The following PSIP1 variants were observed in gnomAD, a reference collection of about 807,000 sequenced individuals.
PSIP1 encodes PC4 and SRSF1 interacting protein 1.
PSIP1 carries 19 observed loss-of-function variants against 74.7 expected under a neutral mutation model. The ratio of observed to expected loss-of-function variants is 0.25; its 90% CI spans 0.18 to 0.37. The LOEUF is 0.37. Ranked by LOEUF, PSIP1 falls within the 10% of genes least tolerant of loss-of-function variation. The pLI, the probability that PSIP1 is intolerant of heterozygous loss-of-function variation, is 1.00. For missense variants in PSIP1, 601 were observed against 614.3 expected (o/e 0.98, Z 0.23); for synonymous variants, 222 against 195.3 (o/e 1.14, Z -1.14).
chr9:15,509,956 G>T lies in PSIP1; in HGVS notation c.72+161C>A, dbSNP rs533913452. ...AACGTCTGGATTTTCATAATTACAC[G>T]GGAGATTATTGGGCAAAAAACTAAA... is the stretch of plus-strand genomic sequence containing the variant. On this transcript the variant is annotated intron_variant, in intron 2 of 15. Coordinates refer to ENST00000380733, the MANE Select transcript of PSIP1 (RefSeq NM_033222.5). Among the ~76,000 whole-genome samples, 29 of 152,244 alleles carry T rather than the reference G, an allele frequency of 1.9e-4. No individual in the cohort carries two copies. In the South Asian group the frequency reaches 5.8e-3, roughly 30 times the overall value.
At chr9:15,481,250 C>T (rs757120215) in intron 6 of PSIP1, among the ~76,000 whole-genome samples, 6 of 152,192 alleles carry the variant, frequency 3.9e-5, no homozygotes, top group Non-Finnish European at 7.3e-5. Context: ...AGCTTAAGAA[C>T]TCAAGACTGA....
At position 15,478,559 on chromosome 9, in the gene PSIP1, T is replaced by C. The variant is rs1320345539; in HGVS notation, c.554-7A>G. On this transcript the variant is annotated splice_region_variant and splice_polypyrimidine_tract_variant and intron_variant, in intron 7 of 15. Coordinates refer to ENST00000380733, the MANE Select transcript of PSIP1 (RefSeq NM_033222.5). ...GGAATCTTGACTTCTGTAGCTAATA[T>C]ACACATGGAAAAAAAATCAGTAACT... The C allele has an allele frequency of 6.3e-7, 1 of 1,576,604 alleles. No individual in the cohort carries two copies. The highest frequency in any genetic ancestry group is 2.2e-5 in the East Asian group (1 of 44,516).
intron 3 of PSIP1, among the ~76,000 whole-genome samples, chr9:15,500,321 T>C (rs190450884): frequency 0.01 from 1,534 of 152,028 alleles, 20 homozygotes; most frequent in African/African-American, 0.035. Flanking sequence ...AAAAATCAGC[T>C]GGGTGTGGTG....
rs530107099 is a variant in PSIP1 at position 15,501,219 on chromosome 9, C to G, written c.149+5342G>C. Reference sequence around the variant, plus strand: ...TCTAGTTGCTCTACATAAACGTTGGCTAATGGACAGCAAATGCATAATCAA... The same window carrying G: ...TCTAGTTGCTCTACATAAACGTTGGGTAATGGACAGCAAATGCATAATCAA... On this transcript the variant is annotated intron_variant, in intron 3 of 15. Transcript: ENST00000380733. Among the ~76,000 whole-genome samples the G allele has an allele frequency of 3.3e-5, 5 of 151,916 alleles. No individual in the cohort carries two copies. The South Asian group carries it at 1.0e-3, about 32-fold the overall frequency.
chr9:15,498,993 A>T (rs1401722100), intron 3 of PSIP1, among the ~76,000 whole-genome samples: 5 of 152,182 alleles, frequency 3.3e-5, no homozygotes, highest in Non-Finnish European at 7.3e-5. Flanking sequence ...GTTTTTTAAA[A>T]TTTTAACAAG....
intron 14 of PSIP1, among the ~76,000 whole-genome samples, chr9:15,467,105 C>T (rs2035671116): frequency 1.3e-5 from 2 of 152,122 alleles, no homozygotes; most frequent in South Asian, 4.1e-4. Flanking sequence ...CCATAAAAAG[C>T]AGGTTAACTA....
At chr9:15,477,017 G>A (rs1375607234) in intron 8 of PSIP1, among the ~76,000 whole-genome samples, 1 of 152,172 alleles carries the variant, frequency 6.6e-6, no homozygotes, top group Admixed American at 6.5e-5. Context: ...AACGGAGTGG[G>A]AAGCATACTC....
chr9:15,498,807 TTAAAA>T (rs2037202464), intron 3 of PSIP1, among the ~76,000 whole-genome samples: 1 of 152,142 alleles, frequency 6.6e-6, no homozygotes, highest in African/African-American at 2.4e-5. Context: ...GCATTCCACT[TTAAAA>T]TAACATACCA....
At chr9:15,466,935 G>T in intron 14 of PSIP1, 76 bp from the exon 15 acceptor site, 2 of 1,087,010 alleles carry the variant, frequency 1.8e-6, no homozygotes, top group Non-Finnish European at 2.8e-6. Flanking sequence ...TAAAGATCCA[G>T]AATCAAAATA....
At chr9:15,484,911 CAAA>C (rs59867087) in intron 6 of PSIP1, among the ~76,000 whole-genome samples, 99 of 81,850 alleles carry the variant, frequency 1.2e-3, no homozygotes, top group African/African-American at 3.7e-3. Context: ...AGATCCGTCT[CAAA>C]AAAAAAAAAA....
At chr9:15,492,176 C>T (rs1470004808) in intron 3 of PSIP1, 4 of 152,192 alleles carry the variant, frequency 2.6e-5, no homozygotes, top group Admixed American at 6.5e-5. Context: ...CTCAAAAGTC[C>T]AAGTCCAAAG....
intron 14 of PSIP1, among the ~76,000 whole-genome samples, chr9:15,467,699 A>G (rs1395595114): frequency 6.6e-6 from 1 of 152,246 alleles, no homozygotes; most frequent in African/African-American, 2.4e-5. Flanking sequence ...TTTTCCTAAT[A>G]CAAATGAAAA....
chr9:15,476,420 T>C (rs1483338062), intron 8 of PSIP1, among the ~76,000 whole-genome samples: 1 of 152,146 alleles, frequency 6.6e-6, no homozygotes, highest in Admixed American at 6.6e-5. Flanking sequence ...GTGAAGAAGT[T>C]TCAAAATAGA....
chr9:15,490,165 C>G (rs1347739798), intron 3 of PSIP1, 41 bp from the exon 4 acceptor site: 1 of 1,509,288 alleles, frequency 6.6e-7, no homozygotes, highest in African/African-American at 1.4e-5. Context: ...AAAGCAAGCT[C>G]AAATACATAA....
At chr9:15,501,977 C>G (rs1232087253) in intron 3 of PSIP1, among the ~76,000 whole-genome samples, 2 of 151,954 alleles carry the variant, frequency 1.3e-5, no homozygotes, top group African/African-American at 4.8e-5. Context: ...AGGAGGGAGG[C>G]ATTACCACCT....
chr9:15,468,868 A>G (rs555029943), intron 13 of PSIP1, 25 bp from the exon 14 acceptor site: 10 of 1,605,632 alleles, frequency 6.2e-6, no homozygotes, highest in African/African-American at 4.0e-5. Flanking sequence ...TACATTCATC[A>G]TAATTGTTTT....
intron 4 of PSIP1, among the ~76,000 whole-genome samples, chr9:15,488,818 G>C (rs2737839): frequency 6.6e-5 from 10 of 152,182 alleles, no homozygotes; most frequent in African/African-American, 9.6e-5. Flanking sequence ...TCAGGAGATC[G>C]AGACCATCCT....
At chr9:15,488,534 T>G (rs2036659689) in intron 4 of PSIP1, among the ~76,000 whole-genome samples, 1 of 152,206 alleles carries the variant, frequency 6.6e-6, no homozygotes, top group Admixed American at 6.5e-5. Flanking sequence ...AGCCATCTGT[T>G]TATTTTAAAT....
At chr9:15,509,988 G>A (rs1279519376) in intron 2 of PSIP1, 129 bp downstream of exon 2, 5 of 890,936 alleles carry the variant, frequency 5.6e-6, no homozygotes, top group East Asian at 2.9e-5. Context: ...TAAAATGAAA[G>A]GTCAGGTTAC....
Sources: gnomAD v4.1 joint callset for allele counts (sites outside exome capture counted in the v4.1 genomes callset) on GRCh38, gnomAD v4.1.1 for gene constraint, MANE v1.5 for transcripts, NCBI Gene and HGNC (gene_info 2026-07-23, HGNC 2026-07-21) for gene names.